Variants in COL14A1 observed in about 807,000 individuals in gnomAD.
COL14A1 encodes collagen alpha-1(XIV) chain.
COL14A1 carries 136 observed loss-of-function variants against 230.3 expected under a neutral mutation model. The ratio of observed to expected loss-of-function variants is 0.59; its 90% CI spans 0.51 to 0.68. The LOEUF (loss-of-function observed/expected upper bound fraction) is 0.68, where lower values mean the gene tolerates loss of function less well. Ranked by LOEUF, COL14A1 falls within the 30% of genes least tolerant of loss-of-function variation. COL14A1 has a pLI of 0.00. For synonymous variants in COL14A1, 792 were observed against 784.1 expected (o/e 1.01, Z -0.17); for missense variants, 1,976 against 2,215.8 (o/e 0.89, Z 2.17).
intron 40 of COL14A1, among the ~76,000 whole-genome samples, chr8:120,325,643 G>GAGC (rs1563738727): frequency 3.9e-5 from 6 of 152,132 alleles, no homozygotes; most frequent in African/African-American, 1.2e-4. Flanking sequence ...CAGGCGTAAC[G>GAGC]TACCGCACCC....
At chr8:120,249,250 C>A (rs1454300155) in intron 21 of COL14A1, among the ~76,000 whole-genome samples, 3 of 152,018 alleles carry the variant, frequency 2.0e-5, no homozygotes, top group African/African-American at 7.2e-5. Flanking sequence ...ATATGGTTCT[C>A]GCCCCATATC....
At chr8:120,304,580 A>G (rs1820805165) in intron 36 of COL14A1, among the ~76,000 whole-genome samples, 1 of 152,204 alleles carries the variant, frequency 6.6e-6, no homozygotes, top group Non-Finnish European at 1.5e-5. Context: ...ATCATTGTGA[A>G]TGAAACCATT....
intron 42 of COL14A1, among the ~76,000 whole-genome samples, chr8:120,333,549 C>T (rs1821940901): frequency 6.6e-6 from 1 of 152,208 alleles, no homozygotes. Flanking sequence ...ATGTGTGGAG[C>T]AGTGAAATCC....
chr8:120,203,126 A>G (rs1817310102), intron 8 of COL14A1, among the ~76,000 whole-genome samples: 1 of 151,472 alleles, frequency 6.6e-6, no homozygotes, highest in Non-Finnish European at 1.5e-5. Context: ...TGCTTCTGCA[A>G]TATTCATGCA....
intron 5 of COL14A1, among the ~76,000 whole-genome samples, chr8:120,189,630 C>T (rs939075651): frequency 8.3e-6 from 1 of 120,314 alleles, no homozygotes; most frequent in African/African-American, 3.1e-5. Flanking sequence ...GCTATCCCTC[C>T]CCCCTCCCCC....
At chr8:120,178,534 C>T (rs562625381) in intron 5 of COL14A1, among the ~76,000 whole-genome samples, 1 of 152,278 alleles carries the variant, frequency 6.6e-6, no homozygotes, top group South Asian at 2.1e-4. Flanking sequence ...CTGCAATAAA[C>T]ATACGTGTGC....
intron 4 of COL14A1, among the ~76,000 whole-genome samples, chr8:120,165,467 T>A (rs1815834049): frequency 6.6e-6 from 1 of 152,238 alleles, no homozygotes; most frequent in African/African-American, 2.4e-5. Context: ...ACTTCCAGCC[T>A]CAGTTTCTTC....
rs370775130 is a variant in COL14A1, at chr8:120,228,824, G to A, written c.2197+55G>A. 12 of 1,402,778 alleles carry A rather than the reference G, an allele frequency of 8.6e-6. No homozygotes were observed. The African/African-American group carries it at 1.6e-4, about 18-fold the overall frequency. The allele number at this position is 1,402,778 out of a possible 1,614,324, so 86.9% of individuals were successfully genotyped here. ...CTTTAAAAATTTTCTTTAAACAGAT[G>A]TTATATTATCCTGGTTTTATTTATT... is the stretch of plus-strand genomic sequence containing the variant. On this transcript the variant is annotated intron_variant, in intron 18 of 47. Coordinates refer to ENST00000297848, the MANE Select transcript of COL14A1 (RefSeq NM_021110.4).
chr8:120,184,753 G>T (rs762426802), intron 5 of COL14A1, among the ~76,000 whole-genome samples: 75 of 152,102 alleles, frequency 4.9e-4, no homozygotes, highest in Admixed American at 9.2e-4. Context: ...CAGTGTTTTA[G>T]TTCAAGTCTC....
chr8:120,250,123 A>G (rs566077551), intron 21 of COL14A1, among the ~76,000 whole-genome samples: 1 of 152,242 alleles, frequency 6.6e-6, no homozygotes, highest in Non-Finnish European at 1.5e-5. Flanking sequence ...TCTGTCTGGT[A>G]TTAAACATCC....
At chr8:120,245,519 T>G (rs139256118) in intron 20 of COL14A1, among the ~76,000 whole-genome samples, 4 of 152,364 alleles carry the variant, frequency 2.6e-5, no homozygotes, top group African/African-American at 4.8e-5. Context: ...TTTTCTATTC[T>G]TGCATAAAGA....
intron 5 of COL14A1, among the ~76,000 whole-genome samples, chr8:120,192,925 G>T (rs1816879012): frequency 6.6e-6 from 1 of 152,000 alleles, no homozygotes; most frequent in Non-Finnish European, 1.5e-5. Context: ...CTCTGTATTG[G>T]TTATTCTAGT....
At chr8:120,235,212 A>G (rs1220646631) in intron 19 of COL14A1, among the ~76,000 whole-genome samples, 2 of 152,256 alleles carry the variant, frequency 1.3e-5, no homozygotes, top group Admixed American at 6.5e-5. Context: ...TCTGTTGCCC[A>G]GGCTGGGAGA....
intron 34 of COL14A1, among the ~76,000 whole-genome samples, chr8:120,293,306 G>A (rs917089105): frequency 2.0e-5 from 3 of 151,966 alleles, no homozygotes; most frequent in African/African-American, 7.2e-5. Context: ...TAAATCAATA[G>A]TAGACTAGTT....
Position 120,353,939 on chromosome 8 carries a change from C to G in COL14A1, c.5077+8376C>G, listed in dbSNP as rs1249414639. Among the ~76,000 whole-genome samples, 176 of 146,638 alleles carry G rather than the reference C, an allele frequency of 1.2e-3. 3 individuals carry two copies. The highest frequency in any genetic ancestry group is 4.2e-3 in the African/African-American group (164 of 39,216). On this transcript the variant is annotated intron_variant, in intron 45 of 47. Transcript: ENST00000297848. The stretch of plus-strand genomic sequence containing the variant: ...TCATGCTGCTATAAAGACACATGCA[C>G]ATGTATGTTTATTGCGGCATTATTC...
chr8:120,200,353 C>T (rs1355108677), intron 8 of COL14A1, among the ~76,000 whole-genome samples: 2 of 151,838 alleles, frequency 1.3e-5, no homozygotes, highest in African/African-American at 4.8e-5. Context: ...AATCTTTAGT[C>T]CAAATAAAAT....
At chr8:120,189,366 T>C (rs1398658845) in intron 5 of COL14A1, among the ~76,000 whole-genome samples, 2 of 152,164 alleles carry the variant, frequency 1.3e-5, no homozygotes, top group Non-Finnish European at 2.9e-5. Flanking sequence ...TACGTACTAG[T>C]CTTCAAGAAA....
intron 39 of COL14A1, 96 bp from the exon 40 acceptor site, chr8:120,315,848 G>T: frequency 8.0e-7 from 1 of 1,250,390 alleles, no homozygotes. Context: ...TATGCTCTTA[G>T]GTTTGTTTGG....
chr8:120,330,439 C>T (rs577873954), intron 40 of COL14A1, among the ~76,000 whole-genome samples: 1 of 152,270 alleles, frequency 6.6e-6, no homozygotes, highest in East Asian at 1.9e-4. Flanking sequence ...ACAATCATGG[C>T]AGAAGGCAAA....
Sources: allele counts gnomAD v4.1 joint callset (sites outside exome capture counted in the v4.1 genomes callset), GRCh38; gene constraint gnomAD v4.1.1; transcripts MANE v1.5; gene names NCBI Gene and HGNC (gene_info 2026-07-23, HGNC 2026-07-21).